Variants in SLC17A8 observed in about 807,000 individuals in gnomAD.
The protein encoded by SLC17A8 is solute carrier family 17 member 8.
SLC17A8 carries 31 observed loss-of-function variants against 58.0 expected under a neutral mutation model. That is an observed-to-expected ratio of 0.53 (90% confidence interval 0.40 to 0.72). The LOEUF is 0.72. SLC17A8 is among the 30% of genes least tolerant of loss of function. The probability of loss-of-function intolerance (pLI) is 0.00; values close to 1 mark genes in which losing one functional copy is unlikely to be tolerated. For synonymous variants in SLC17A8, 228 were observed against 249.0 expected, an observed-to-expected ratio of 0.92 and a Z score of 0.79; for missense variants, 655 against 727.8, an observed-to-expected ratio of 0.90 and a Z score of 1.15.
At chr12:100,413,660 A>G (rs996595503) in intron 10 of SLC17A8, among the ~76,000 whole-genome samples, 5 of 152,208 alleles carry the variant, frequency 3.3e-5, no homozygotes, top group Admixed American at 6.5e-5. Flanking sequence ...TTGTTTGTCT[A>G]TCTTTAAAAC....
intron 9 of SLC17A8, among the ~76,000 whole-genome samples, chr12:100,405,783 G>A (rs1373711759): frequency 6.6e-6 from 1 of 152,116 alleles, no homozygotes; most frequent in Non-Finnish European, 1.5e-5. Context: ...TCCCTCAGCA[G>A]ATACTTGATA....
At chr12:100,373,392 T>A (rs1056981052) in intron 1 of SLC17A8, among the ~76,000 whole-genome samples, 2 of 151,856 alleles carry the variant, frequency 1.3e-5, no homozygotes, top group Non-Finnish European at 2.9e-5. Flanking sequence ...GATGAATAGA[T>A]CCTTAACCCT....
intron 9 of SLC17A8, among the ~76,000 whole-genome samples, chr12:100,408,468 G>T (rs1397735246): frequency 6.6e-6 from 1 of 152,014 alleles, no homozygotes; most frequent in Non-Finnish European, 1.5e-5. Flanking sequence ...TCCTAGTTTT[G>T]TTTTTCTTGT....
chr12:100,411,125 C>T (rs1405989943), intron 9 of SLC17A8, among the ~76,000 whole-genome samples: 4 of 152,068 alleles, frequency 2.6e-5, no homozygotes, highest in East Asian at 1.9e-4. Flanking sequence ...CACGTGGTGG[C>T]GATGGTTTGG....
At chr12:100,379,841 C>T (rs1270482565) in intron 1 of SLC17A8, among the ~76,000 whole-genome samples, 1 of 152,024 alleles carries the variant, frequency 6.6e-6, no homozygotes, top group Non-Finnish European at 1.5e-5. Context: ...GGATATACAA[C>T]CAAATGGGTG....
chr12:100,381,924 G>C (rs1330082296), intron 2 of SLC17A8, among the ~76,000 whole-genome samples: 2 of 152,152 alleles, frequency 1.3e-5, no homozygotes, highest in Non-Finnish European at 2.9e-5. Flanking sequence ...AATACGATTT[G>C]AACATATTTG....
intron 9 of SLC17A8, among the ~76,000 whole-genome samples, chr12:100,405,022 G>A (rs1053921424): frequency 5.3e-5 from 8 of 152,200 alleles, no homozygotes; most frequent in Non-Finnish European, 1.0e-4. Context: ...TGAAAGGGAC[G>A]GATTGCGTAT....
At chr12:100,387,256 A>T (rs1952682537) in intron 2 of SLC17A8, among the ~76,000 whole-genome samples, 1 of 152,102 alleles carries the variant, frequency 6.6e-6, no homozygotes, top group Non-Finnish European at 1.5e-5. Context: ...CATCCTCACC[A>T]ACACTTCTTG....
At chr12:100,411,590 G>A (rs1259348491) in intron 9 of SLC17A8, among the ~76,000 whole-genome samples, 1 of 152,082 alleles carries the variant, frequency 6.6e-6, no homozygotes, top group Non-Finnish European at 1.5e-5. Flanking sequence ...TCTGGAATCA[G>A]CAGACAGTCT....
chr12:100,412,035 G>A (rs963713415), intron 9 of SLC17A8, among the ~76,000 whole-genome samples: 2 of 151,940 alleles, frequency 1.3e-5, no homozygotes, highest in South Asian at 2.1e-4. Flanking sequence ...TACTTTTAAG[G>A]GAAAGGCCAT....
rs766521196 is a variant in SLC17A8 at position 100,380,884 on chromosome 12, T to A, written c.285T>A (p.Asn95Lys). ...GCATTTCCTTTGGGATCCGGTGCAA[T>A]CTTGGAGTTGCCATTGTGGAAATGG... is the stretch of plus-strand genomic sequence containing the variant. ...GFCISFGIRC[N>K]LGVAIVEMVN... The change falls in exon 2 of 12, where the codon AAT becomes AAA. Residue 95 changes from asparagine to lysine, a missense_variant. By Grantham distance (94) the Asn-to-Lys change is moderately conservative. Coordinates refer to ENST00000323346, the MANE Select transcript of SLC17A8 (RefSeq NM_139319.3). 1.2e-5 allele frequency: 19 copies of A among 1,614,016 alleles called. No individual in the cohort carries two copies. The highest frequency in any genetic ancestry group is 2.2e-5 in the East Asian group (1 of 44,894).
chr12:100,366,794 C>A (rs753928573), intron 1 of SLC17A8, among the ~76,000 whole-genome samples: 3 of 152,190 alleles, frequency 2.0e-5, no homozygotes, highest in Non-Finnish European at 2.9e-5. Flanking sequence ...GAAGCAATAC[C>A]CTTATTGGCT....
chr12:100,376,958 C>T (rs1952598826), intron 1 of SLC17A8, among the ~76,000 whole-genome samples: 2 of 151,936 alleles, frequency 1.3e-5, no homozygotes, highest in South Asian at 2.1e-4. Context: ...TACAGGTGCT[C>T]GCCACCATGC....
intron 11 of SLC17A8, among the ~76,000 whole-genome samples, chr12:100,419,115 CAAG>C (rs2136019458): frequency 1.3e-5 from 2 of 152,246 alleles, no homozygotes; most frequent in South Asian, 4.1e-4. Context: ...CAACAACAAG[CAAG>C]AAGGAGACTT....
At chr12:100,419,727 T>C (rs1952933398) in intron 11 of SLC17A8, 88 bp from the exon 12 acceptor site, 1 of 1,314,008 alleles carries the variant, frequency 7.6e-7, no homozygotes, top group Admixed American at 1.8e-5. Flanking sequence ...AATGGGCAGG[T>C]GCTTTTTCAC....
intron 1 of SLC17A8, among the ~76,000 whole-genome samples, chr12:100,376,934 G>A (rs188567274): frequency 1.3e-4 from 19 of 151,902 alleles, no homozygotes; most frequent in African/African-American, 3.9e-4. Context: ...CTCAGCCTCC[G>A]GAGTAGCTGG....
chr12:100,410,508 AAAG>A (rs1200722920), intron 9 of SLC17A8: 1 of 151,508 alleles, frequency 6.6e-6, no homozygotes, highest in Non-Finnish European at 1.5e-5. Context: ...AAAAAAAAAA[AAAG>A]TTAGCCGGGC....
chr12:100,387,177 C>G (rs893099975), intron 2 of SLC17A8, among the ~76,000 whole-genome samples: 2 of 152,176 alleles, frequency 1.3e-5, no homozygotes, highest in African/African-American at 4.8e-5. Flanking sequence ...TTTGGAGGAA[C>G]CTCTGTACTG....
intron 1 of SLC17A8, among the ~76,000 whole-genome samples, chr12:100,359,933 C>T (rs1952474030): frequency 6.6e-6 from 1 of 152,200 alleles, no homozygotes; most frequent in Non-Finnish European, 1.5e-5. Context: ...TACATTGTAA[C>T]TTAGAAGGCA....
Sources: gnomAD v4.1 joint callset for allele counts (sites outside exome capture counted in the v4.1 genomes callset) on GRCh38, gnomAD v4.1.1 for gene constraint, MANE v1.5 for transcripts, NCBI Gene and HGNC (gene_info 2026-07-23, HGNC 2026-07-21) for gene names.